TBC1D23: variants seen among roughly 807,000 people sequenced by gnomAD.
The protein encoded by TBC1D23 is TBC1 domain family member 23.
TBC1D23 carries 55 observed loss-of-function variants against 91.4 expected under a neutral mutation model. The observed-to-expected ratio is 0.60, with a 90% confidence interval of 0.48 to 0.75. The LOEUF (loss-of-function observed/expected upper bound fraction) is 0.75. Among genes scored for constraint, TBC1D23 ranks in the 30% least tolerant of loss-of-function variants. The pLI, the probability that TBC1D23 is intolerant of heterozygous loss-of-function variation, is 0.00. For missense variants in TBC1D23, 725 were observed against 836.1 expected (o/e 0.87, Z 1.64); for synonymous variants, 289 against 281.0 (o/e 1.03, Z -0.28).
At position 100,295,094 on chromosome 3, in the gene TBC1D23, G is replaced by A. The variant is rs1320185455; in HGVS notation, c.608G>A (p.Ser203Asn). The A allele has an allele frequency of 2.5e-6, 4 of 1,584,052 alleles. No individual in the cohort carries two copies. In the African/African-American group the frequency reaches 5.5e-5, roughly 22 times the overall value. ...PDSYALNWLG[S>N]LFACYCSTEV... Reference sequence around the variant, plus strand: ...TTCATTTCCTGATTACAGCTTGGAAGTCTTTTTGCATGTTACTGTTCCACT... The same window carrying A: ...TTCATTTCCTGATTACAGCTTGGAAATCTTTTTGCATGTTACTGTTCCACT... The change falls in exon 6 of 19, where the codon AGT (serine) becomes AAT (asparagine). Residue 203 changes from serine to asparagine, a missense_variant. Transcript: ENST00000394144.
At chr3:100,308,368 G>A (rs1298763367) in intron 13 of TBC1D23, among the ~76,000 whole-genome samples, 9 of 151,950 alleles carry the variant, frequency 5.9e-5, no homozygotes, top group Non-Finnish European at 1.3e-4. Context: ...CCAGCTGCTC[G>A]GGAGGCTGAG....
intron 1 of TBC1D23, among the ~76,000 whole-genome samples, chr3:100,276,937 A>G (rs934102896): frequency 6.6e-6 from 1 of 152,202 alleles, no homozygotes; most frequent in Admixed American, 6.5e-5. Flanking sequence ...ACTTTCTAGA[A>G]TAAATGGACA....
At chr3:100,276,694 A>G (rs1443249664) in intron 1 of TBC1D23, among the ~76,000 whole-genome samples, 1 of 152,190 alleles carries the variant, frequency 6.6e-6, no homozygotes, top group Non-Finnish European at 1.5e-5. Flanking sequence ...AGGTGATTTT[A>G]CCACACAACA....
chr3:100,263,765 T>C (rs571778463), intron 1 of TBC1D23, among the ~76,000 whole-genome samples: 1 of 152,184 alleles, frequency 6.6e-6, no homozygotes, highest in South Asian at 2.1e-4. Context: ...AACCAGCTCA[T>C]AGAGTGCCAT....
chr3:100,312,697 G>A (rs1210586242), intron 15 of TBC1D23, among the ~76,000 whole-genome samples: 1 of 151,390 alleles, frequency 6.6e-6, no homozygotes, highest in Non-Finnish European at 1.5e-5. Context: ...CATTTAAAAA[G>A]AAATTCTATA....
chr3:100,311,089 CTTA>C (rs1705616906), intron 14 of TBC1D23, among the ~76,000 whole-genome samples: 1 of 152,128 alleles, frequency 6.6e-6, no homozygotes, highest in Non-Finnish European at 1.5e-5. Context: ...TATATTGTTT[CTTA>C]TTGTAACTGA....
At chr3:100,286,521 A>C (rs986762738) in intron 4 of TBC1D23, among the ~76,000 whole-genome samples, 4 of 149,656 alleles carry the variant, frequency 2.7e-5, no homozygotes, top group African/African-American at 9.8e-5. Flanking sequence ...TTTTTGAGAC[A>C]GAGTCTCACT....
chr3:100,279,800 GAAT>G (rs2067679795), intron 2 of TBC1D23, 40 bp downstream of exon 2: 5 of 1,269,142 alleles, frequency 3.9e-6, no homozygotes, highest in Non-Finnish European at 5.6e-6. Context: ...AATCACTGAA[GAAT>G]AATATTTTTA....
chr3:100,302,536 T>C (rs1705451126), intron 11 of TBC1D23, among the ~76,000 whole-genome samples: 1 of 152,236 alleles, frequency 6.6e-6, no homozygotes, highest in Non-Finnish European at 1.5e-5. Flanking sequence ...CCTCTATGCA[T>C]CAAGATCTAT....
intron 10 of TBC1D23, 141 bp from the exon 11 acceptor site, chr3:100,301,921 GATTTT>G (rs1705440774): frequency 5.1e-6 from 3 of 592,182 alleles, no homozygotes. Flanking sequence ...TTATCCCAGG[GATTTT>G]ATTTATAAGA....
chr3:100,281,895 T>C, intron 3 of TBC1D23, 48 bp downstream of exon 3: 2 of 1,259,158 alleles, frequency 1.6e-6, no homozygotes, highest in Non-Finnish European at 2.3e-6. Flanking sequence ...TGGAAATAAT[T>C]TTTGGGTTGA....
chr3:100,301,878 A>G, intron 10 of TBC1D23, 189 bp from the exon 11 acceptor site: 1 of 497,748 alleles, frequency 2.0e-6, no homozygotes, highest in South Asian at 3.2e-5. Flanking sequence ...CTTTTGTTCT[A>G]TTGTATTATA....
intron 15 of TBC1D23, 71 bp downstream of exon 15, chr3:100,311,948 C>A: frequency 9.7e-7 from 1 of 1,031,048 alleles, no homozygotes; most frequent in Non-Finnish European, 1.4e-6. Context: ...CATCTATAAG[C>A]CTCATGCTGT....
At chr3:100,277,976 AG>A (rs1452483336) in intron 1 of TBC1D23, among the ~76,000 whole-genome samples, 1 of 152,200 alleles carries the variant, frequency 6.6e-6, no homozygotes, top group Non-Finnish European at 1.5e-5. Context: ...ATGAATTTGT[AG>A]TAGCTTTGTC....
At chr3:100,268,294 A>G (rs1012006618) in intron 1 of TBC1D23, among the ~76,000 whole-genome samples, 1 of 152,162 alleles carries the variant, frequency 6.6e-6, no homozygotes, top group Admixed American at 6.5e-5. Context: ...TTTGAATACT[A>G]GAAATCCTTT....
chr3:100,285,010 T>C (rs2067727914), intron 4 of TBC1D23, among the ~76,000 whole-genome samples: 1 of 152,202 alleles, frequency 6.6e-6, no homozygotes, highest in Non-Finnish European at 1.5e-5. Context: ...TATTTTTTAC[T>C]ACTTTCTAAG....
intron 5 of TBC1D23, 81 bp from the exon 6 acceptor site, chr3:100,295,006 C>G (rs2067825991): frequency 7.6e-7 from 1 of 1,322,100 alleles, no homozygotes; most frequent in African/African-American, 1.5e-5. Context: ...TATAATGTTT[C>G]TTATTCATTT....
rs116272610 is a variant in TBC1D23 at position 100,301,309 on chromosome 3, G to A, written c.1093-758G>A. 4.7e-3 allele frequency among the ~76,000 whole-genome samples: 697 copies of A among 149,634 alleles called. 2 individuals carry two copies. Among genetic ancestry groups the A allele is most frequent in the Non-Finnish European group, 6.3e-3 (424 of 67,582 alleles). ...AAAAAAAATGGTGGAACCTTCTTAC[G>A]TTTCAGAACTCTAAATGAGAATGCC... is the stretch of plus-strand genomic sequence containing the variant. On this transcript the variant is annotated intron_variant, in intron 10 of 18. Coordinates refer to ENST00000394144, the MANE Select transcript of TBC1D23 (RefSeq NM_001199198.3).
chr3:100,322,234 A>G (rs1705871631), intron 18 of TBC1D23, among the ~76,000 whole-genome samples: 2 of 152,104 alleles, frequency 1.3e-5, no homozygotes, highest in Non-Finnish European at 2.9e-5. Context: ...AGCTGGGACT[A>G]GAGGCGCCCG....
Sources: allele counts gnomAD v4.1 joint callset (sites outside exome capture counted in the v4.1 genomes callset), GRCh38; gene constraint gnomAD v4.1.1; transcripts MANE v1.5; gene names NCBI Gene and HGNC (gene_info 2026-07-23, HGNC 2026-07-21).